The following KRT72 variants were observed in gnomAD, a reference collection of about 807,000 sequenced individuals.
The protein encoded by KRT72 is keratin, type II cytoskeletal 72.
A neutral mutation model predicts 44.7 loss-of-function variants in KRT72; 44 were observed. That is an observed-to-expected ratio of 0.98 (90% confidence interval 0.77 to 1.27). The LOEUF is 1.27. Among genes scored for constraint, KRT72 ranks in the 50% most tolerant of loss-of-function variants. The pLI is 0.00. For synonymous variants in KRT72, 302 were observed against 280.4 expected (o/e 1.08, Z -0.77); for missense variants, 736 against 667.1 (o/e 1.10, Z -1.14).
intron 6 of KRT72, among the ~76,000 whole-genome samples, chr12:52,588,106 G>A (rs572737675): frequency 3.9e-4 from 59 of 152,332 alleles, no homozygotes; most frequent in Admixed American, 1.0e-3. Flanking sequence ...CGGAGAAAGA[G>A]GGCGGCCTGG....
Position 52,598,957 on chromosome 12 carries a change from C to T in KRT72, c.582G>A (p.Gly194=). ...TCCTCAGCTCCGAATCCAGCCTCAC[C>T]CCGTCCCCAGACAGCATCTCCAGCT... ...QKQLEMLSGD[G]VRLDSELRNM... is the part of the protein sequence containing the mutation. Residue 194 remains glycine, a synonymous_variant, in exon 2 of 9, where the codon GGG becomes GGA. Transcript: ENST00000293745. The T allele has an allele frequency of 6.2e-7, 1 of 1,614,210 alleles. No homozygotes were observed. Among genetic ancestry groups the T allele is most frequent in the Non-Finnish European group, 8.5e-7 (1 of 1,180,048 alleles).
At position 52,599,131 on chromosome 12, in the gene KRT72, C is replaced by T; in HGVS notation, c.427-19G>A. 6.2e-7 allele frequency: 1 copy of T among 1,613,070 alleles called. No individual in the cohort carries two copies. The highest frequency in any genetic ancestry group is 1.1e-5 in the South Asian group (1 of 91,040). On this transcript the variant is annotated intron_variant, in intron 1 of 8. Coordinates refer to ENST00000293745, the MANE Select transcript of KRT72 (RefSeq NM_080747.3). ...ACCGCACCTGGAACCCAAAGGCAGT[C>T]ATCGCCCAGAGTCCCCATGTTGTTG... is the stretch of plus-strand genomic sequence containing the variant.
chr12:52,587,759 G>A lies in KRT72; in HGVS notation c.1182C>T (p.Gly394=), dbSNP rs756323393. The A allele has an allele frequency of 1.8e-5, 29 of 1,614,062 alleles. No homozygotes were observed. The highest frequency in any genetic ancestry group is 4.5e-5 in the East Asian group (2 of 44,886). ...DARAKLDELE[G]ALHQAKEELA... ...GCTCCTCCTTGGCCTGGTGCAGGGCGCCCTCCAGCTCATCCAGCTTGGCCC... is the reference window on the plus strand; with the variant it reads ...GCTCCTCCTTGGCCTGGTGCAGGGCACCCTCCAGCTCATCCAGCTTGGCCC... The change falls in exon 7 of 9, where the codon GGC becomes GGT. Residue 394 remains glycine (G), a synonymous_variant. Coordinates refer to ENST00000293745, the MANE Select transcript of KRT72 (RefSeq NM_080747.3).
intron 2 of KRT72, 50 bp from the exon 3 acceptor site, chr12:52,593,002 A>T (rs2120764998): frequency 2.6e-6 from 4 of 1,538,774 alleles, no homozygotes; most frequent in Non-Finnish European, 3.6e-6. Flanking sequence ...ACACTCACTG[A>T]ACAGTTAGTG....
At chr12:52,588,864 C>T (rs1350669917) in intron 6 of KRT72, among the ~76,000 whole-genome samples, 1 of 151,990 alleles carries the variant, frequency 6.6e-6, no homozygotes, top group Non-Finnish European at 1.5e-5. Context: ...GGAGTGATGG[C>T]ACGCAGCTGC....
At chr12:52,595,502 G>T (rs1409320084) in intron 2 of KRT72, among the ~76,000 whole-genome samples, 1 of 152,088 alleles carries the variant, frequency 6.6e-6, no homozygotes, top group East Asian at 1.9e-4. Context: ...ATGAAGTCAG[G>T]ATTTTTCTGA....
chr12:52,588,524 A>G (rs1939870646), intron 6 of KRT72, among the ~76,000 whole-genome samples: 1 of 152,166 alleles, frequency 6.6e-6, no homozygotes, highest in African/African-American at 2.4e-5. Flanking sequence ...ATAGAACTTT[A>G]GGAAAAATAG....
At chr12:52,598,861 A>C in intron 2 of KRT72, 37 bp downstream of exon 2, 1 of 1,589,042 alleles carries the variant, frequency 6.3e-7, no homozygotes, top group Non-Finnish European at 8.6e-7. Flanking sequence ...ATTTGAAATC[A>C]GATCCTCCAG....
intron 4 of KRT72, 42 bp from the exon 5 acceptor site, chr12:52,591,670 A>G (rs1940035123): frequency 6.4e-7 from 1 of 1,560,650 alleles, no homozygotes; most frequent in Non-Finnish European, 8.7e-7. Context: ...AGGGGTACTC[A>G]TGAGGAACCA....
chr12:52,588,071 A>G (rs1939851139), intron 6 of KRT72, among the ~76,000 whole-genome samples: 1 of 152,190 alleles, frequency 6.6e-6, no homozygotes, highest in African/African-American at 2.4e-5. Flanking sequence ...GAAAACCTTC[A>G]CCTGGGAGGG....
chr12:52,601,504 G>T (rs1273155793), upstream of KRT72: 1 of 1,516,548 alleles, frequency 6.6e-7, no homozygotes, highest in Admixed American at 2.0e-5. Context: ...GGCGCAAACA[G>T]CCGCTGCGTT....
Position 52,601,093 on chromosome 12 carries a change from C to T in KRT72, c.360G>A (p.Arg120=), listed in dbSNP as rs567808835. The T allele has an allele frequency of 1.2e-6, 2 of 1,612,582 alleles. No homozygotes were observed. The highest frequency in any genetic ancestry group is 2.2e-5 in the South Asian group (2 of 90,790). The change falls in exon 1 of 9, where the codon AGG becomes AGA. Residue 120 remains arginine, a synonymous_variant. Transcript: ENST00000293745. ...TCTGCTCCCGCTCCTGGGCGCGCAC[C>T]CTCTGGATCTCGGGGTCCATCTCCA... ...LNVEMDPEIQ[R]VRAQEREQIK... is the part of the protein sequence containing the mutation.
rs369648188 is a variant in KRT72, at chr12:52,585,933, G to A, written c.*49C>T. 64 of 1,523,564 alleles carry A rather than the reference G, an allele frequency of 4.2e-5. No homozygotes were observed. In the African/African-American group the frequency reaches 7.9e-4, roughly 19 times the overall value. The allele number at this position is 1,523,564 out of a possible 1,614,324, so 94.4% of individuals were successfully genotyped here. ...GGAGCCCAGGGAAGGAGAGGGAGGA[G>A]ACGGGTGAGTTGGGAAGCCTTCTGC... On this transcript the variant is annotated 3_prime_UTR_variant, in exon 9 of 9. Transcript: ENST00000293745.
At chr12:52,586,670 T>G (rs1213122024) in intron 8 of KRT72, among the ~76,000 whole-genome samples, 2 of 152,228 alleles carry the variant, frequency 1.3e-5, no homozygotes, top group Admixed American at 1.3e-4. Flanking sequence ...TTTGCTTTGG[T>G]CAACAGAAAA....
Position 52,586,145 on chromosome 12 carries a change from G to A in KRT72, c.1373C>T (p.Ala458Val), listed in dbSNP as rs199883270. The A allele has an allele frequency of 5.0e-5, 81 of 1,613,880 alleles. No homozygotes were observed. The highest frequency in any genetic ancestry group is 5.5e-5 in the Non-Finnish European group (65 of 1,179,972). The change falls in exon 9 of 9, where the codon GCA (alanine) becomes GTA (valine). Residue 458 changes from alanine to valine, a missense_variant. Ala to Val is a moderately conservative substitution (Grantham distance 64). Coordinates refer to ENST00000293745, the MANE Select transcript of KRT72 (RefSeq NM_080747.3). ...ISVISSTNAG[A>V]GGAGFSMGFG... is the part of the protein sequence containing the mutation. ...GCCCATGCTGAAGCCAGCCCCTCCTGCCCCAGCATTGGTGCTGCTGATGAC... is the reference window on the plus strand; with the variant it reads ...GCCCATGCTGAAGCCAGCCCCTCCTACCCCAGCATTGGTGCTGCTGATGAC...
chr12:52,601,002 G>C, intron 1 of KRT72, 25 bp downstream of exon 1: 1 of 1,608,376 alleles, frequency 6.2e-7, no homozygotes, highest in Non-Finnish European at 8.5e-7. Flanking sequence ...CCAACGCAGG[G>C]ACAGGCCAAT....
chr12:52,597,959 G>A lies in KRT72; in HGVS notation c.641+939C>T, dbSNP rs56043639. ...CCCAGAGATAGCACTGCCCCTGGAC[G>A]CCTCCATGTGGGACTTCAGGACTGT... On this transcript the variant is annotated intron_variant, in intron 2 of 8. Transcript: ENST00000293745. 5.9e-3 allele frequency among the ~76,000 whole-genome samples: 895 copies of A among 152,324 alleles called. 5 individuals carry two copies. The highest frequency in any genetic ancestry group is 0.01 in the Non-Finnish European group (698 of 68,040).
chr12:52,596,491 C>T (rs1371967535), intron 2 of KRT72, among the ~76,000 whole-genome samples: 3 of 151,832 alleles, frequency 2.0e-5, no homozygotes, highest in South Asian at 4.2e-4. Flanking sequence ...GATAACTCAA[C>T]CCAAAATAAG....
At chr12:52,594,248 C>T (rs967869434) in intron 2 of KRT72, among the ~76,000 whole-genome samples, 1 of 152,150 alleles carries the variant, frequency 6.6e-6, no homozygotes, top group Non-Finnish European at 1.5e-5. Flanking sequence ...ACCCAGCCAT[C>T]CCATTACCGG....
Sources: allele counts gnomAD v4.1 joint callset (sites outside exome capture counted in the v4.1 genomes callset), GRCh38; gene constraint gnomAD v4.1.1; transcripts MANE v1.5; gene names NCBI Gene and HGNC (gene_info 2026-07-23, HGNC 2026-07-21).